KIF17: variants seen among roughly 807,000 people sequenced by gnomAD.
KIF17 encodes the protein kinesin family member 17.
KIF17 carries 80 observed loss-of-function variants against 96.8 expected under a neutral mutation model. That is an observed-to-expected ratio of 0.83 (90% CI 0.69 to 1.00). The LOEUF (loss-of-function observed/expected upper bound fraction) is 1.00. Among genes scored for constraint, KIF17 ranks in the 50% least tolerant of loss-of-function variants. The pLI is 0.00. For synonymous variants in KIF17, 567 were observed against 587.5 expected (o/e 0.97, Z 0.51); for missense variants, 1,280 against 1,372.9 (o/e 0.93, Z 1.07).
In KIF17 at chr1:20,709,892, T is replaced by G; in HGVS notation, c.481-64A>C. 1 of 1,490,130 alleles carries G rather than the reference T, an allele frequency of 6.7e-7. No individual in the cohort carries two copies. The highest frequency in any genetic ancestry group is 9.2e-7 in the Non-Finnish European group (1 of 1,091,402). The allele number at this position is 1,490,130 out of a possible 1,614,324, so 92.3% of individuals were successfully genotyped here. A position where few individuals can be genotyped will look rare whatever the true frequency, so the allele number is the denominator to read the frequency against. On this transcript the variant is annotated intron_variant, in intron 3 of 14. Transcript: ENST00000400463. This position sits in a 1 kb window ranked among gnomAD's most constrained non-coding sequence, Gnocchi z 4.7. ...CGCCAAGGGTTAGGACCAGGGATGG[T>G]CAAGGAACCAGAGAGAAGGGCCCCA... is the stretch of plus-strand genomic sequence containing the variant.
intron 3 of KIF17, among the ~76,000 whole-genome samples, chr1:20,710,717 G>A (rs2054420638): frequency 6.6e-6 from 1 of 152,204 alleles, no homozygotes; most frequent in Non-Finnish European, 1.5e-5. Flanking sequence ...CCTGCTGTGG[G>A]AGAGGCGTGG....
chr1:20,676,308 A>G (rs1355493977), intron 11 of KIF17, among the ~76,000 whole-genome samples: 1 of 152,202 alleles, frequency 6.6e-6, no homozygotes, highest in East Asian at 1.9e-4. Flanking sequence ...TGGCAAAAAT[A>G]TCATAAAGCA....
rs762611471 is a variant in KIF17 at position 20,709,671 on chromosome 1, A to G, written c.638T>C (p.Ile213Thr). 9.3e-6 allele frequency: 15 copies of G among 1,613,950 alleles called. No individual in the cohort carries two copies. The highest frequency in any genetic ancestry group is 1.2e-5 in the Non-Finnish European group (14 of 1,180,028). The change falls in exon 4 of 15, where the codon ATC becomes ACC. Residue 213 changes from isoleucine (I) to threonine (T), a missense_variant. Transcript: ENST00000400463. This position sits in a 1 kb window ranked among gnomAD's most constrained non-coding sequence, Gnocchi z 4.7. ...AGACATCTCGATGCTGATGGTGAAG[A>G]TGGAGTGCGAGCGTGAGGAATCCTT... ...MNKDSSRSHS[I>T]FTISIEMSAV...
chr1:20,690,352 G>GGGGGGCCCCCC lies in KIF17; in HGVS notation c.1234-18_1234-17insGGGGGGCCCCC. The stretch of plus-strand genomic sequence containing the variant: ...TTCATACTCCTGGGGGGGTGGGAGG[G>GGGGGGCCCCCC]ACCAGAGGGCAGGCAGCATTTTATC... On this transcript the variant is annotated splice_polypyrimidine_tract_variant and intron_variant, in intron 6 of 14. Coordinates refer to ENST00000400463, the MANE Select transcript of KIF17 (RefSeq NM_001122819.3). The GGGGGGCCCCCC allele has an allele frequency of 6.6e-6, 3 of 451,150 alleles. No individual in the cohort carries two copies. Among genetic ancestry groups the GGGGGGCCCCCC allele is most frequent in the Non-Finnish European group, 8.5e-6 (2 of 235,134 alleles). The allele number at this position is 451,150 out of a possible 1,614,324, so 27.9% of individuals were successfully genotyped here.
At chr1:20,690,833 T>C (rs1021154315) in intron 6 of KIF17, among the ~76,000 whole-genome samples, 2 of 151,756 alleles carry the variant, frequency 1.3e-5, no homozygotes, top group Non-Finnish European at 1.5e-5. Flanking sequence ...ACTACAAGCA[T>C]CCGCCACCAC....
At chr1:20,705,717 C>CG (rs2054329027) in intron 4 of KIF17, among the ~76,000 whole-genome samples, 1 of 152,060 alleles carries the variant, frequency 6.6e-6, no homozygotes, top group Non-Finnish European at 1.5e-5. Flanking sequence ...GCGGAAGCCT[C>CG]TGGAATCTAT....
intron 3 of KIF17, among the ~76,000 whole-genome samples, chr1:20,712,144 C>A (rs2054448573): frequency 6.6e-6 from 1 of 152,098 alleles, no homozygotes; most frequent in East Asian, 1.9e-4. Flanking sequence ...GTAACTGAGG[C>A]CTTTCTAGGG....
chr1:20,705,551 C>T (rs1456959461), intron 4 of KIF17, among the ~76,000 whole-genome samples: 2 of 152,198 alleles, frequency 1.3e-5, no homozygotes, highest in Non-Finnish European at 1.5e-5. Context: ...TGTGCCGGCG[C>T]GCAGAACTGT....
Position 20,709,652 on chromosome 1 carries a change from C to T in KIF17, c.657G>A (p.Glu219=). Residue 219 remains glutamate (E), a synonymous_variant, in exon 4 of 15, where the codon GAG becomes GAA. Coordinates refer to ENST00000400463, the MANE Select transcript of KIF17 (RefSeq NM_001122819.3). The surrounding 1 kb of genome is among the most constrained non-coding windows in gnomAD (Gnocchi z 4.7). ...GGCCTCGCATACCCACGGCAGACAT[C>T]TCGATGCTGATGGTGAAGATGGAGT... The part of the protein sequence containing the change: ...RSHSIFTISI[E]MSAVDERGKD... 1 of 1,614,072 alleles carries T rather than the reference C, an allele frequency of 6.2e-7. No homozygotes were observed. The highest frequency in any genetic ancestry group is 2.2e-5 in the East Asian group (1 of 44,888).
At chr1:20,688,296 C>T (rs1474159473) in intron 7 of KIF17, among the ~76,000 whole-genome samples, 1 of 152,054 alleles carries the variant, frequency 6.6e-6, no homozygotes, top group Non-Finnish European at 1.5e-5. Flanking sequence ...GATCCGCCCC[C>T]ACTCGGCCTC....
In KIF17 at chr1:20,699,443, G is replaced by A. The variant is rs573550881; in HGVS notation, c.1124-955C>T. On this transcript the variant is annotated intron_variant, in intron 5 of 14. Transcript: ENST00000400463. This position sits in a 1 kb window ranked among gnomAD's most constrained non-coding sequence, Gnocchi z 4.3. The stretch of plus-strand genomic sequence containing the variant: ...TAGCTAGGCATGGTGGCGGGAGCCT[G>A]TAATCCCAGCTACTCAGGAGGCTGA... 2.6e-5 allele frequency among the ~76,000 whole-genome samples: 4 copies of A among 152,302 alleles called. No homozygotes were observed. Among genetic ancestry groups the A allele is most frequent in the Admixed American group, 2.0e-4 (3 of 15,290 alleles).
intron 3 of KIF17, 27 bp downstream of exon 3, chr1:20,713,427 A>G: frequency 6.4e-7 from 1 of 1,561,650 alleles, no homozygotes; most frequent in South Asian, 1.1e-5. Context: ...TACCAGCCCC[A>G]CCTGCCCACA....
chr1:20,676,433 T>C (rs746407810), intron 11 of KIF17, among the ~76,000 whole-genome samples: 11 of 152,088 alleles, frequency 7.2e-5, no homozygotes, highest in Non-Finnish European at 1.3e-4. Flanking sequence ...AACATGCTAA[T>C]AGAGAAATGA....
At chr1:20,661,739 C>T (rs2053439991), downstream of KIF17, among the ~76,000 whole-genome samples, 1 of 152,262 alleles carries the variant, frequency 6.6e-6, no homozygotes, top group Admixed American at 6.5e-5. Flanking sequence ...CGGGCTTGAC[C>T]GTCGCGTCCT....
Position 20,686,129 on chromosome 1 carries a change from G to T in KIF17, c.1939-3C>A. On this transcript the variant is annotated splice_polypyrimidine_tract_variant and splice_region_variant and intron_variant, in intron 8 of 14. Transcript: ENST00000400463. ...AGCAGGTCTGTCGGCGCAGGGACCT[G>T]GGAGGAAAGAGGGGATGGAGGAGAA... 6.4e-7 allele frequency: 1 copy of T among 1,564,712 alleles called. No homozygotes were observed. The highest frequency in any genetic ancestry group is 2.4e-5 in the East Asian group (1 of 42,288).
At chr1:20,705,893 C>CTTT (rs747719983) in intron 4 of KIF17, among the ~76,000 whole-genome samples, 842 of 53,542 alleles carry the variant, frequency 0.016, 184 homozygotes, top group Non-Finnish European at 0.023. Flanking sequence ...TAGGATGTCT[C>CTTT]TTTTTTTTTT....
Position 20,709,900 on chromosome 1 carries a change from C to A in KIF17, c.481-72G>T. On this transcript the variant is annotated intron_variant, in intron 3 of 14. Coordinates refer to ENST00000400463, the MANE Select transcript of KIF17 (RefSeq NM_001122819.3). This position sits in a 1 kb window ranked among gnomAD's most constrained non-coding sequence, Gnocchi z 4.7. ...GTTAGGACCAGGGATGGTCAAGGAACCAGAGAGAAGGGCCCCATCCAGACC... is the reference window on the plus strand; with the variant it reads ...GTTAGGACCAGGGATGGTCAAGGAAACAGAGAGAAGGGCCCCATCCAGACC... 6.9e-7 allele frequency: 1 copy of A among 1,457,738 alleles called. No homozygotes were observed. The highest frequency in any genetic ancestry group is 2.5e-5 in the East Asian group (1 of 40,450). The allele number at this position is 1,457,738 out of a possible 1,614,324, so 90.3% of individuals were successfully genotyped here. A position where few individuals can be genotyped will look rare whatever the true frequency, so the allele number is the denominator to read the frequency against.
rs1217331037 is a variant in KIF17 at position 20,700,524 on chromosome 1, C to A, written c.1124-2036G>T. ...GCTGTTGGGGGGAGCTGCAGCCTAG[C>A]AGATTTGGGGGCCCATCGAGTTGAC... On this transcript the variant is annotated intron_variant, in intron 5 of 14. Transcript: ENST00000400463. This position sits in a 1 kb window ranked among gnomAD's most constrained non-coding sequence, Gnocchi z 4.6. 6.6e-6 allele frequency among the ~76,000 whole-genome samples: 1 copy of A among 152,160 alleles called. No individual in the cohort carries two copies. Among genetic ancestry groups the A allele is most frequent in the Non-Finnish European group, 1.5e-5 (1 of 68,036 alleles).
downstream of KIF17, chr1:20,663,955 G>A (rs2053478949): frequency 6.2e-6 from 1 of 160,644 alleles, no homozygotes; most frequent in Non-Finnish European, 1.4e-5. Flanking sequence ...GGAATAGCCA[G>A]GCCACAATGG....
Sources: gnomAD v4.1 joint callset for allele counts (sites outside exome capture counted in the v4.1 genomes callset) on GRCh38, gnomAD v4.1.1 for gene constraint, Gnocchi (gnomAD v3.1) non-coding constraint, MANE v1.5 for transcripts, NCBI Gene and HGNC (gene_info 2026-07-23, HGNC 2026-07-21) for gene names.